The following SPMIP2 variants were observed in gnomAD, a reference collection of about 807,000 sequenced individuals.
SPMIP2 encodes the protein protein SPMIP2.
chr4:158,977,725 C>T, the SPMIP2 span, among the ~76,000 whole-genome samples: 1 of 150,514 alleles, frequency 6.6e-6, no homozygotes, highest in Non-Finnish European at 1.5e-5. Flanking sequence ...CGCCATTCTC[C>T]TGCCTCAGCC....
the SPMIP2 span, chr4:158,905,555 G>T: frequency 6.6e-6 from 1 of 152,210 alleles, no homozygotes; most frequent in Non-Finnish European, 1.5e-5. Context: ...TGAACATTTA[G>T]AAAAAATTCA....
the SPMIP2 span, among the ~76,000 whole-genome samples, chr4:158,916,396 G>C: frequency 1.3e-5 from 2 of 152,212 alleles, no homozygotes; most frequent in Non-Finnish European, 2.9e-5. Context: ...AGTGAAGCAA[G>C]AGTGTGAGCC....
At chr4:158,981,215 C>A in the SPMIP2 span, among the ~76,000 whole-genome samples, 4 of 152,082 alleles carry the variant, frequency 2.6e-5, no homozygotes, top group South Asian at 2.1e-4. Context: ...GTGAAAAGAC[C>A]AAACCTATGT....
the SPMIP2 span, among the ~76,000 whole-genome samples, chr4:159,008,295 G>T: frequency 3.9e-5 from 6 of 152,132 alleles, no homozygotes; most frequent in Non-Finnish European, 5.9e-5. Flanking sequence ...TAATTCGGTC[G>T]GGCATGGTGG....
chr4:159,045,847 C>T, the SPMIP2 span, among the ~76,000 whole-genome samples: 1 of 152,108 alleles, frequency 6.6e-6, no homozygotes, highest in African/African-American at 2.4e-5. Context: ...TGTGAAGACT[C>T]AAGAGGGAAG....
chr4:159,064,768 G>A, the SPMIP2 span, among the ~76,000 whole-genome samples: 14 of 151,966 alleles, frequency 9.2e-5, no homozygotes, highest in Middle Eastern at 3.4e-3. Flanking sequence ...TTTTTAAATC[G>A]TTTTCATTAA....
chr4:158,940,593 T>C, the SPMIP2 span, among the ~76,000 whole-genome samples: 1 of 150,008 alleles, frequency 6.7e-6, no homozygotes, highest in African/African-American at 2.4e-5. Flanking sequence ...TAACCTTGAT[T>C]CTTTTTGAAG....
chr4:158,898,577 G>A, the SPMIP2 span, among the ~76,000 whole-genome samples: 6 of 152,106 alleles, frequency 3.9e-5, no homozygotes, highest in Non-Finnish European at 7.4e-5. Flanking sequence ...TATATTACTA[G>A]GTATTTTATT....
At chr4:159,047,929 G>A in the SPMIP2 span, among the ~76,000 whole-genome samples, 7 of 152,358 alleles carry the variant, frequency 4.6e-5, no homozygotes, top group South Asian at 1.5e-3. Flanking sequence ...ATGATAGCAT[G>A]TAACAGAATG....
chr4:158,928,910 A>G, the SPMIP2 span, among the ~76,000 whole-genome samples: 1 of 152,156 alleles, frequency 6.6e-6, no homozygotes, highest in Non-Finnish European at 1.5e-5. Flanking sequence ...CAGCGAGACC[A>G]CGATCCCACC....
At chr4:159,007,670 G>T in the SPMIP2 span, 1 of 729,008 alleles carries the variant, frequency 1.4e-6, no homozygotes, top group South Asian at 1.3e-5. Flanking sequence ...CTCATGTAAT[G>T]GACTACTGGG....
the SPMIP2 span, among the ~76,000 whole-genome samples, chr4:159,055,873 T>G: frequency 6.6e-6 from 1 of 152,158 alleles, no homozygotes; most frequent in East Asian, 1.9e-4. Flanking sequence ...CTGAGGAGTG[T>G]GCGTTTTTAA....
At chr4:158,973,221 T>A in the SPMIP2 span, 4 of 1,613,820 alleles carry the variant, frequency 2.5e-6, no homozygotes, top group Non-Finnish European at 2.5e-6. Flanking sequence ...ATATCTGAGA[T>A]CTCCAGTTTT....
chr4:158,917,753 T>C, the SPMIP2 span, among the ~76,000 whole-genome samples: 1 of 139,130 alleles, frequency 7.2e-6, no homozygotes, highest in Non-Finnish European at 1.5e-5. Flanking sequence ...TGAGACAGAT[T>C]CTCTGTCTCC....
At chr4:158,969,990 C>T in the SPMIP2 span, among the ~76,000 whole-genome samples, 3 of 152,102 alleles carry the variant, frequency 2.0e-5, no homozygotes, top group South Asian at 2.1e-4. Flanking sequence ...AACTGGAGAA[C>T]GAACAGGAAG....
the SPMIP2 span, among the ~76,000 whole-genome samples, chr4:159,063,367 T>C: frequency 1.3e-5 from 2 of 152,060 alleles, no homozygotes; most frequent in Admixed American, 6.6e-5. Context: ...GAGACCAGCA[T>C]GGCCAACATG....
the SPMIP2 span, among the ~76,000 whole-genome samples, chr4:158,986,317 G>A: frequency 2.1e-4 from 32 of 152,050 alleles, no homozygotes; most frequent in South Asian, 2.9e-3. Context: ...AAAAGAGCCC[G>A]CATTGCCAAG....
the SPMIP2 span, among the ~76,000 whole-genome samples, chr4:159,001,709 T>C: frequency 6.6e-6 from 1 of 152,218 alleles, no homozygotes; most frequent in Non-Finnish European, 1.5e-5. Flanking sequence ...GTATTCCATG[T>C]CGTATATGTA....
chr4:159,036,577 G>GC, the SPMIP2 span, among the ~76,000 whole-genome samples: 2 of 152,056 alleles, frequency 1.3e-5, no homozygotes, highest in East Asian at 3.9e-4. Flanking sequence ...TAACCACCTT[G>GC]CCCCCCACTT....
Sources: gnomAD v4.1 joint callset for allele counts (sites outside exome capture counted in the v4.1 genomes callset) on GRCh38, gnomAD v4.1.1 for gene constraint, MANE v1.5 for transcripts, NCBI Gene and HGNC (gene_info 2026-07-23, HGNC 2026-07-21) for gene names.